Variants in MYRIP observed in about 807,000 individuals in gnomAD.
The protein encoded by MYRIP is rab effector MyRIP.
A neutral mutation model predicts 98.0 loss-of-function variants in MYRIP; 49 were observed. The ratio of observed to expected loss-of-function variants is 0.50; its 90% CI spans 0.40 to 0.63. The LOEUF (loss-of-function observed/expected upper bound fraction) is 0.63, where lower values mean the gene tolerates loss of function less well. MYRIP is among the 30% of genes least tolerant of loss of function. MYRIP has a pLI of 0.00. For missense variants in MYRIP, 1,004 were observed against 1,058.2 expected (o/e 0.95, Z 0.71); for synonymous variants, 404 against 409.5 (o/e 0.99, Z 0.16).
intron 11 of MYRIP, 25 bp from the exon 12 acceptor site, chr3:40,233,834 C>T (rs1445026562): frequency 1.2e-6 from 2 of 1,601,036 alleles, no homozygotes; most frequent in Non-Finnish European, 1.7e-6. Context: ...TGTCTTCTGT[C>T]CCCTTCTGTT....
At chr3:39,833,634 T>C (rs1941538448) in intron 1 of MYRIP, among the ~76,000 whole-genome samples, 2 of 152,152 alleles carry the variant, frequency 1.3e-5, no homozygotes, top group South Asian at 4.2e-4. Flanking sequence ...ACTTAAACAG[T>C]GTTTATTGAA....
At chr3:39,841,080 G>A (rs1305353000) in intron 1 of MYRIP, among the ~76,000 whole-genome samples, 5 of 152,070 alleles carry the variant, frequency 3.3e-5, no homozygotes, top group Admixed American at 6.5e-5. Flanking sequence ...CATTTTCCCC[G>A]TCACTTTCAG....
At chr3:40,156,396 C>A (rs1950238549) in intron 4 of MYRIP, among the ~76,000 whole-genome samples, 1 of 152,160 alleles carries the variant, frequency 6.6e-6, no homozygotes, top group Non-Finnish European at 1.5e-5. Flanking sequence ...GTTACTGTAG[C>A]CTTGTAGTAT....
chr3:39,813,366 C>T (rs1940766457), intron 1 of MYRIP, among the ~76,000 whole-genome samples: 1 of 152,148 alleles, frequency 6.6e-6, no homozygotes, highest in African/African-American at 2.4e-5. Flanking sequence ...TTTTTATTGT[C>T]AGCACGACTG....
At chr3:40,257,321 C>G (rs1043899429) in intron 16 of MYRIP, among the ~76,000 whole-genome samples, 1 of 152,074 alleles carries the variant, frequency 6.6e-6, no homozygotes, top group Non-Finnish European at 1.5e-5. Context: ...GACCCTGTCT[C>G]TAAGAATGAA....
rs1160689599 is a variant in MYRIP at position 40,258,389 on chromosome 3, A to C, written c.*223A>C. ...CTCTCTGCCTTAGGCTCCCAGGGGA[A>C]TCCAAGACAGAAAATGAAGACACTG... On this transcript the variant is annotated 3_prime_UTR_variant, in exon 17 of 17. Transcript: ENST00000302541. 5.9e-5 allele frequency: 29 copies of C among 492,968 alleles called. No individual in the cohort carries two copies. Among genetic ancestry groups the C allele is most frequent in the Non-Finnish European group, 1.1e-5 (3 of 274,016 alleles). 30.5% of individuals were successfully genotyped at this position (492,968 alleles called of 1,614,324 possible).
chr3:39,938,784 C>T (rs996510979), intron 2 of MYRIP, among the ~76,000 whole-genome samples: 3 of 152,176 alleles, frequency 2.0e-5, no homozygotes, highest in Admixed American at 2.0e-4. Context: ...GAATTATAGG[C>T]ATGCACCACC....
chr3:40,153,577 AG>A (rs1396229942), intron 4 of MYRIP, among the ~76,000 whole-genome samples: 1 of 152,208 alleles, frequency 6.6e-6, no homozygotes, highest in Non-Finnish European at 1.5e-5. Context: ...GGTGGGATCC[AG>A]TATACATATT....
At chr3:40,007,578 T>A (rs893798940) in intron 2 of MYRIP, among the ~76,000 whole-genome samples, 1 of 152,200 alleles carries the variant, frequency 6.6e-6, no homozygotes, top group Admixed American at 6.5e-5. Flanking sequence ...TTCTTTTGCA[T>A]ATGCTGGCAT....
At position 39,938,679 on chromosome 3, in the gene MYRIP, A is replaced by G. The variant is rs141563341; in HGVS notation, c.110+37753A>G. On this transcript the variant is annotated intron_variant, in intron 2 of 16. Transcript: ENST00000302541. Reference sequence around the variant, plus strand: ...TTCCTACTTTTAAAAATATTTTAGAACTTTTTTGTAGAGACGAGGTCTCAC... The same window carrying G: ...TTCCTACTTTTAAAAATATTTTAGAGCTTTTTTGTAGAGACGAGGTCTCAC... Among the ~76,000 whole-genome samples the G allele has an allele frequency of 4.3e-3, 650 of 152,176 alleles. 13 individuals are homozygous for G. The highest frequency in any genetic ancestry group is 0.027 in the Admixed American group (417 of 15,266).
chr3:40,125,681 T>A (rs1949513175), intron 3 of MYRIP, among the ~76,000 whole-genome samples: 1 of 152,184 alleles, frequency 6.6e-6, no homozygotes, highest in South Asian at 2.1e-4. Flanking sequence ...TCTGTCTCCC[T>A]CTAATTGCTG....
At chr3:39,910,138 C>G (rs917564174) in intron 2 of MYRIP, among the ~76,000 whole-genome samples, 1 of 152,188 alleles carries the variant, frequency 6.6e-6, no homozygotes, top group African/African-American at 2.4e-5. Context: ...ATCCACCCAC[C>G]TCTGCCTCCC....
intron 8 of MYRIP, among the ~76,000 whole-genome samples, chr3:40,175,076 G>A (rs1435055602): frequency 1.3e-5 from 2 of 152,142 alleles, no homozygotes; most frequent in Non-Finnish European, 2.9e-5. Context: ...GGGAGGTGGA[G>A]ATTGCGCCAC....
chr3:39,904,190 TCTG>T (rs1290028773), intron 2 of MYRIP, among the ~76,000 whole-genome samples: 1 of 152,228 alleles, frequency 6.6e-6, no homozygotes, highest in Non-Finnish European at 1.5e-5. Flanking sequence ...TTTTCCAAAT[TCTG>T]CTATTTAAAT....
intron 9 of MYRIP, among the ~76,000 whole-genome samples, chr3:40,185,576 C>G (rs867468555): frequency 1.3e-5 from 2 of 152,110 alleles, no homozygotes; most frequent in African/African-American, 2.4e-5. Flanking sequence ...TTTCACATGT[C>G]TGGGTATTCA....
At chr3:40,160,652 T>C (rs976436580) in intron 4 of MYRIP, among the ~76,000 whole-genome samples, 1 of 152,240 alleles carries the variant, frequency 6.6e-6, no homozygotes, top group Non-Finnish European at 1.5e-5. Flanking sequence ...CGAGACTCCG[T>C]GGGCGTAGGA....
At chr3:40,061,449 G>T (rs1948013347) in intron 3 of MYRIP, among the ~76,000 whole-genome samples, 1 of 152,198 alleles carries the variant, frequency 6.6e-6, no homozygotes, top group Non-Finnish European at 1.5e-5. Flanking sequence ...ATTCCATGGT[G>T]TATATGTGCC....
chr3:39,975,895 A>G (rs1945738373), intron 2 of MYRIP, among the ~76,000 whole-genome samples: 1 of 152,188 alleles, frequency 6.6e-6, no homozygotes, highest in South Asian at 2.1e-4. Context: ...TACAAAAATT[A>G]ATTCCAGATG....
intron 2 of MYRIP, among the ~76,000 whole-genome samples, chr3:40,020,414 G>A (rs372538594): frequency 4.6e-5 from 7 of 152,086 alleles, no homozygotes; most frequent in South Asian, 2.1e-4. Context: ...TACACCTTTC[G>A]AGTTTTGTGC....
Sources: allele counts gnomAD v4.1 joint callset (sites outside exome capture counted in the v4.1 genomes callset), GRCh38; gene constraint gnomAD v4.1.1; transcripts MANE v1.5; gene names NCBI Gene and HGNC (gene_info 2026-07-23, HGNC 2026-07-21).